ATG7: variants seen among roughly 807,000 people sequenced by gnomAD.
ATG7 encodes the protein autophagy related 7, also known as ubiquitin-like modifier-activating enzyme ATG7.
Under a neutral mutation model 82.4 loss-of-function variants are expected in ATG7, and 70 were observed. The ratio of observed to expected loss-of-function variants is 0.85; its 90% CI spans 0.70 to 1.04. The LOEUF (loss-of-function observed/expected upper bound fraction) is 1.04, where lower values mean the gene tolerates loss of function less well. ATG7 is among the 50% of genes least tolerant of loss of function. The pLI is 0.00. For missense variants in ATG7, 792 were observed against 864.3 expected (o/e 0.92, Z 1.05); for synonymous variants, 287 against 313.0 (o/e 0.92, Z 0.88).
At chr3:11,410,653 C>A (rs1487987833) in intron 19 of ATG7, among the ~76,000 whole-genome samples, 1 of 152,138 alleles carries the variant, frequency 6.6e-6, no homozygotes, top group Non-Finnish European at 1.5e-5. Context: ...TAGAGTCATA[C>A]ATTATTTGTC....
the ATG7 span, among the ~76,000 whole-genome samples, chr3:11,567,246 C>A: frequency 6.6e-6 from 1 of 152,136 alleles, no homozygotes; most frequent in Non-Finnish European, 1.5e-5. Flanking sequence ...GGGGGACAAA[C>A]AGCACACAAA....
At chr3:11,319,623 C>T (rs1949940253) in intron 9 of ATG7, among the ~76,000 whole-genome samples, 1 of 152,234 alleles carries the variant, frequency 6.6e-6, no homozygotes, top group Non-Finnish European at 1.5e-5. Flanking sequence ...TATCCAGCCA[C>T]CTGCTTGCCT....
At chr3:11,410,224 G>A (rs977959557) in intron 19 of ATG7, among the ~76,000 whole-genome samples, 2 of 152,062 alleles carry the variant, frequency 1.3e-5, no homozygotes, top group African/African-American at 4.8e-5. Context: ...TTTTTAGATT[G>A]TCTCCAACTT....
chr3:11,373,828 T>C (rs143934419), intron 18 of ATG7, among the ~76,000 whole-genome samples: 25 of 152,324 alleles, frequency 1.6e-4, no homozygotes, highest in African/African-American at 5.5e-4. Flanking sequence ...GCAGTTCTTA[T>C]AAGATTGAGG....
intron 14 of ATG7, among the ~76,000 whole-genome samples, chr3:11,353,888 T>C (rs1215389460): frequency 6.6e-6 from 1 of 152,216 alleles, no homozygotes; most frequent in African/African-American, 2.4e-5. Context: ...TGAAATGGAC[T>C]AACACAGGAA....
intron 20 of ATG7, among the ~76,000 whole-genome samples, chr3:11,538,285 C>G (rs968382671): frequency 2.0e-5 from 3 of 152,170 alleles, no homozygotes; most frequent in African/African-American, 4.8e-5. Context: ...CTGAGGCCAG[C>G]ACAGACTCTA....
chr3:11,441,161 T>C (rs2083913528), intron 20 of ATG7, among the ~76,000 whole-genome samples: 1 of 152,248 alleles, frequency 6.6e-6, no homozygotes, highest in Non-Finnish European at 1.5e-5. Flanking sequence ...GTGTTTATCC[T>C]ACCTTAATCC....
At chr3:11,345,780 C>T (rs1352961139) in intron 13 of ATG7, among the ~76,000 whole-genome samples, 1 of 151,646 alleles carries the variant, frequency 6.6e-6, no homozygotes, top group Non-Finnish European at 1.5e-5. Flanking sequence ...TAATTTTTTC[C>T]TCCTTCTGTG....
chr3:11,309,632 A>G (rs1195086055), intron 7 of ATG7, among the ~76,000 whole-genome samples: 2 of 152,040 alleles, frequency 1.3e-5, no homozygotes, highest in East Asian at 1.9e-4. Context: ...AGTAGGGAAA[A>G]GGTAAGGGTC....
At position 11,503,973 on chromosome 3, in the gene ATG7, CAT is replaced by C. The variant is rs1467697490; in HGVS notation, c.2080-50836_2080-50835del. On this transcript the variant is annotated intron_variant, in intron 20 of 20. Transcript: ENST00000693202. ...ATAATAGAGTTTGCGGAAAGGAAAACATAGAAAACAGGCCAGAAAAAATAAGG... is the reference window on the plus strand; with the variant it reads ...ATAATAGAGTTTGCGGAAAGGAAAACAGAAAACAGGCCAGAAAAAATAAGG... 3.3e-5 allele frequency among the ~76,000 whole-genome samples: 5 copies of C among 152,036 alleles called. No homozygotes were observed. In the South Asian group the frequency reaches 6.2e-4, roughly 19 times the overall value.
At chr3:11,451,858 TAC>T in intron 20 of ATG7, among the ~76,000 whole-genome samples, 6 of 148,902 alleles carry the variant, frequency 4.0e-5, no homozygotes, top group Admixed American at 3.4e-4. Flanking sequence ...TATATATATA[TAC>T]GCCTTTACAT....
In ATG7 at chr3:11,418,197, C is replaced by T. The variant is rs180816646; in HGVS notation, c.1957-8607C>T. Reference sequence around the variant, plus strand: ...TCAGCTCACTGCAGCCTCAACCTCCCGGGTTTAAGCCATCCTCCCACCATA... The same window carrying T: ...TCAGCTCACTGCAGCCTCAACCTCCTGGGTTTAAGCCATCCTCCCACCATA... On this transcript the variant is annotated intron_variant, in intron 19 of 20. Transcript: ENST00000693202. 2.8e-4 allele frequency among the ~76,000 whole-genome samples: 42 copies of T among 151,292 alleles called. No individual in the cohort carries two copies. In the East Asian group the frequency reaches 5.1e-3, roughly 18 times the overall value.
chr3:11,518,304 T>G (rs1272421589), intron 20 of ATG7, among the ~76,000 whole-genome samples: 1 of 152,198 alleles, frequency 6.6e-6, no homozygotes, highest in East Asian at 1.9e-4. Context: ...CCCAGGACTT[T>G]GGGAGGCCAA....
At position 11,556,496 on chromosome 3, in the gene ATG7, G is replaced by A. The variant is rs576319889; in HGVS notation, c.*1653G>A. ...CAGCTGTGGGTGGTTTTCCTGTTAC[G>A]ACGCTCAGTAGCCTGTAGCAATAAC... On this transcript the variant is annotated 3_prime_UTR_variant, in exon 21 of 21. Coordinates refer to ENST00000693202, the MANE Select transcript of ATG7 (RefSeq NM_001349232.2). 3.3e-5 allele frequency: 5 copies of A among 152,708 alleles called. No homozygotes were observed. Among genetic ancestry groups the A allele is most frequent in the South Asian group, 4.2e-4 (2 of 4,808 alleles). The allele number at this position is 152,708 out of a possible 1,614,324, so 9.5% of individuals were successfully genotyped here. A position where few individuals can be genotyped will look rare whatever the true frequency, so the allele number is the denominator to read the frequency against.
chr3:11,448,124 C>T (rs1455647757), intron 20 of ATG7, among the ~76,000 whole-genome samples: 1 of 152,202 alleles, frequency 6.6e-6, no homozygotes, highest in Non-Finnish European at 1.5e-5. Context: ...CCCATCTTCT[C>T]ACCTAACCAC....
At chr3:11,289,347 C>T (rs773083844) in intron 3 of ATG7, among the ~76,000 whole-genome samples, 1 of 152,156 alleles carries the variant, frequency 6.6e-6, no homozygotes, top group Non-Finnish European at 1.5e-5. Context: ...CCAGCTTAAG[C>T]GCTGTAGTGA....
Position 11,315,368 on chromosome 3 carries a change from G to T in ATG7, c.553G>T (p.Asp185Tyr), listed in dbSNP as rs1481554767. 6.2e-7 allele frequency: 1 copy of T among 1,606,662 alleles called. No individual in the cohort carries two copies. Among genetic ancestry groups the T allele is most frequent in the Admixed American group, 1.7e-5 (1 of 58,640 alleles). ...KQIEALECAY[D>Y]NLCQTEGVTA... is the part of the protein sequence containing the mutation. ...GATTGAAGCACTAGAGTGTGCATAT[G>T]ATAATCTTTGTCAAACAGAAGGAGT... Residue 185 changes from aspartate to tyrosine, a missense_variant, in exon 9 of 21, where the codon GAT (aspartate) becomes TAT (tyrosine). Physicochemically the swap from Asp to Tyr is radical, Grantham distance 160. Transcript: ENST00000693202.
intron 9 of ATG7, among the ~76,000 whole-genome samples, chr3:11,319,994 C>T (rs1479315330): frequency 6.6e-6 from 1 of 152,182 alleles, no homozygotes; most frequent in African/African-American, 2.4e-5. Context: ...ATGTCTTCTT[C>T]CCTGTGCTCT....
intron 20 of ATG7, among the ~76,000 whole-genome samples, chr3:11,534,332 TAGGG>T: frequency 6.6e-6 from 1 of 152,160 alleles, no homozygotes; most frequent in Non-Finnish European, 1.5e-5. Flanking sequence ...TATATTTAGG[TAGGG>T]ACACCAGCTT....
Sources: gnomAD v4.1 joint callset for allele counts (sites outside exome capture counted in the v4.1 genomes callset) on GRCh38, gnomAD v4.1.1 for gene constraint, MANE v1.5 for transcripts, NCBI Gene and HGNC (gene_info 2026-07-23, HGNC 2026-07-21) for gene names.